ZNF773: variants seen among roughly 807,000 people sequenced by gnomAD.
ZNF773 encodes zinc finger protein 419B.
Under a neutral mutation model 12.8 loss-of-function variants are expected in ZNF773, and 11 were observed. The ratio of observed to expected loss-of-function variants is 0.86; its 90% CI spans 0.54 to 1.42. The LOEUF (loss-of-function observed/expected upper bound fraction) is 1.42. ZNF773 is among the 40% of genes most tolerant of loss of function. The probability of loss-of-function intolerance (pLI) is 0.00; values close to 1 mark genes in which losing one functional copy is unlikely to be tolerated. For missense variants in ZNF773, 518 were observed against 527.2 expected (o/e 0.98, Z 0.17); for synonymous variants, 175 against 178.4 (o/e 0.98, Z 0.15).
At chr19:57,513,885 A>G (rs1191813189), downstream of ZNF773, 1 of 146,782 alleles carries the variant, frequency 6.8e-6, no homozygotes, top group Non-Finnish European at 1.5e-5. Flanking sequence ...TCTTGTAGTA[A>G]TAGATCTTAT....
intron 1 of ZNF773, among the ~76,000 whole-genome samples, chr19:57,502,306 A>G (rs1176110679): frequency 6.6e-6 from 1 of 152,230 alleles, no homozygotes; most frequent in East Asian, 1.9e-4. Context: ...TTTAGAAGGC[A>G]TAGTGATCAA....
Position 57,507,396 on chromosome 19 carries a change from G to A in ZNF773, c.1301G>A (p.Arg434Gln), listed in dbSNP as rs143608128. ...CACAGCTCCAGTCTTGTTAAACATC[G>A]AAGGATTCACACTGGAGAAATACAA... ...FRHSSSLVKHRRIHTGEIQ is the reference protein window; with the variant it reads ...FRHSSSLVKHQRIHTGEIQ Residue 434 changes from arginine (R) to glutamine (Q), a missense_variant, in exon 4 of 4, where the codon CGA (arginine) becomes CAA (glutamine). Coordinates refer to ENST00000282292, the MANE Select transcript of ZNF773 (RefSeq NM_198542.3). The A allele has an allele frequency of 1.9e-4, 307 of 1,607,586 alleles. 1 individual carries two copies. The highest frequency in any genetic ancestry group is 3.6e-5 in the Non-Finnish European group (42 of 1,177,436).
At position 57,506,634 on chromosome 19, in the gene ZNF773, G is replaced by A. The variant is rs762819933; in HGVS notation, c.539G>A (p.Ser180Asn). Residue 180 changes from serine (S) to asparagine (N), a missense_variant, in exon 4 of 4, where the codon AGT becomes AAT. By Grantham distance (46) the Ser-to-Asn change is conservative. Transcript: ENST00000282292. ...GAGAAGTCACATAGGAGCTCCAAAA[G>A]TAGGGAGGCCTTTCATGCTGGAAAA... Reference protein sequence around the residue: ...TGEKSHRSSKSREAFHAGKRH... With the variant: ...TGEKSHRSSKNREAFHAGKRH... 1.2e-6 allele frequency: 2 copies of A among 1,614,244 alleles called. No homozygotes were observed. Among genetic ancestry groups the A allele is most frequent in the East Asian group, 4.5e-5 (2 of 44,890 alleles).
chr19:57,505,165 A>G (rs1327861371), intron 2 of ZNF773, 137 bp from the exon 3 acceptor site: 2 of 1,225,346 alleles, frequency 1.6e-6, no homozygotes, highest in Non-Finnish European at 2.4e-6. Context: ...CACCAATGTG[A>G]TTGCTGTTTG....
chr19:57,504,888 T>TCATTCC (rs2089711813), intron 2 of ZNF773, 102 bp downstream of exon 2: 2 of 1,402,710 alleles, frequency 1.4e-6, no homozygotes, highest in African/African-American at 2.8e-5. Flanking sequence ...CTGTGGGCAC[T>TCATTCC]CATTCCTTCT....
chr19:57,507,111 T>A lies in ZNF773; in HGVS notation c.1016T>A (p.Phe339Tyr), dbSNP rs748877942. The change falls in exon 4 of 4, where the codon TTC becomes TAC. Residue 339 changes from phenylalanine to tyrosine, a missense_variant. Physicochemically the swap from Phe to Tyr is conservative, Grantham distance 22. Coordinates refer to ENST00000282292, the MANE Select transcript of ZNF773 (RefSeq NM_198542.3). ...RPYKCSECGK[F>Y]YSHKSSLINH... The stretch of plus-strand genomic sequence containing the variant: ...TATAAGTGCAGTGAATGTGGAAAAT[T>A]CTATAGCCACAAGTCCAGCCTTATC... 6.2e-7 allele frequency: 1 copy of A among 1,613,658 alleles called. No homozygotes were observed. The highest frequency in any genetic ancestry group is 8.5e-7 in the Non-Finnish European group (1 of 1,179,948).
At chr19:57,501,645 A>G (rs554962208) in intron 1 of ZNF773, among the ~76,000 whole-genome samples, 1 of 152,336 alleles carries the variant, frequency 6.6e-6, no homozygotes, top group South Asian at 2.1e-4. Flanking sequence ...GCAGATAGTC[A>G]GGCACACCTG....
At chr19:57,513,026 G>T, downstream of ZNF773, 2 of 1,565,128 alleles carry the variant, frequency 1.3e-6, no homozygotes, top group Non-Finnish European at 1.7e-6. Flanking sequence ...ATTCAGTCCC[G>T]AACCGACAGC....
chr19:57,507,049 C>T lies in ZNF773; in HGVS notation c.954C>T (p.Leu318=), dbSNP rs773203949. ...AATTGTTTAGTTTCAACTCCAGCCTCATGAAACATCAGAGAGTTCACACTG... is the reference window on the plus strand; with the variant it reads ...AATTGTTTAGTTTCAACTCCAGCCTTATGAAACATCAGAGAGTTCACACTG... ...CGKLFSFNSS[L]MKHQRVHTGE... Residue 318 remains leucine (L), a synonymous_variant, in exon 4 of 4, where the codon CTC becomes CTT. Transcript: ENST00000282292. 4.3e-6 allele frequency: 7 copies of T among 1,614,120 alleles called. No homozygotes were observed. In the Admixed American group the frequency reaches 1.0e-4, roughly 23 times the overall value.
downstream of ZNF773, chr19:57,516,130 C>T (rs115939004): frequency 0.024 from 3,737 of 155,076 alleles, 111 homozygotes; most frequent in African/African-American, 0.064. Context: ...CCATGGATCT[C>T]AACTGTGGGC....
chr19:57,515,928 G>T (rs1198875673), downstream of ZNF773: 1 of 152,184 alleles, frequency 6.6e-6, no homozygotes. Context: ...GAATGACATT[G>T]GCAAATGTTA....
In ZNF773 at chr19:57,507,320, C is replaced by G. The variant is rs752277967; in HGVS notation, c.1225C>G (p.His409Asp). ...CAGCCTTGTTAAACATCAGAGGGTT[C>G]ACACTGGAGCAAAGCCTTATGAGTG... is the stretch of plus-strand genomic sequence containing the variant. ...NSSLVKHQRVHTGAKPYECRE... is the reference protein window; with the variant it reads ...NSSLVKHQRVDTGAKPYECRE... Residue 409 changes from histidine to aspartate, a missense_variant, in exon 4 of 4, where the codon CAC (histidine) becomes GAC (aspartate). His to Asp is a moderately conservative substitution (Grantham distance 81, BLOSUM62 -1). Coordinates refer to ENST00000282292, the MANE Select transcript of ZNF773 (RefSeq NM_198542.3). 1.2e-6 allele frequency: 2 copies of G among 1,614,244 alleles called. No individual in the cohort carries two copies. Among genetic ancestry groups the G allele is most frequent in the Non-Finnish European group, 1.7e-6 (2 of 1,180,042 alleles).
intron 1 of ZNF773, among the ~76,000 whole-genome samples, chr19:57,501,437 GCATT>G (rs933052383): frequency 1.4e-5 from 2 of 143,908 alleles, no homozygotes; most frequent in African/African-American, 5.3e-5. Flanking sequence ...GTTGACAGAA[GCATT>G]AATTATGTGT....
At position 57,504,670 on chromosome 19, in the gene ZNF773, C is replaced by A. The variant is rs1429250589; in HGVS notation, c.47C>A (p.Thr16Asn). 6 of 1,613,914 alleles carry A rather than the reference C, an allele frequency of 3.7e-6. No homozygotes were observed. Among genetic ancestry groups the A allele is most frequent in the Non-Finnish European group, 5.1e-6 (6 of 1,180,024 alleles). Residue 16 changes from threonine (T) to asparagine (N), a missense_variant, in exon 2 of 4, where the codon ACC becomes AAC. Transcript: ENST00000282292. ...TGTCCATCTTAGCAGGGCTATGTGA[C>A]CTTTGAGGACGTGGCTGTCTACTTC... Reference protein sequence around the residue: ...LRDPAQQGYVTFEDVAVYFSQ... With the variant: ...LRDPAQQGYVNFEDVAVYFSQ...
At position 57,507,493 on chromosome 19, in the gene ZNF773, C is replaced by G; in HGVS notation, c.*69C>G. The G allele has an allele frequency of 6.6e-7, 1 of 1,520,272 alleles. No homozygotes were observed. The highest frequency in any genetic ancestry group is 1.4e-5 in the South Asian group (1 of 73,772). 94.2% of individuals were successfully genotyped at this position (1,520,272 alleles called of 1,614,324 possible). A position where few individuals can be genotyped will look rare whatever the true frequency, so the allele number is the denominator to read the frequency against. On this transcript the variant is annotated 3_prime_UTR_variant, in exon 4 of 4. Coordinates refer to ENST00000282292, the MANE Select transcript of ZNF773 (RefSeq NM_198542.3). Reference sequence around the variant, plus strand: ...CAGAAAGTTCACAGTGTAAAAAAGTCTTGAAGGTTACTAATGGAAATCCAT... The same window carrying G: ...CAGAAAGTTCACAGTGTAAAAAAGTGTTGAAGGTTACTAATGGAAATCCAT...
rs919965985 is a variant in ZNF773, at chr19:57,506,924, T to C, written c.829T>C (p.Cys277Arg). 1.2e-6 allele frequency: 2 copies of C among 1,614,228 alleles called. No homozygotes were observed. Among genetic ancestry groups the C allele is most frequent in the African/African-American group, 1.3e-5 (1 of 75,046 alleles). The stretch of plus-strand genomic sequence containing the variant: ...TCACACTGGAGAAAAGCCTTTTACA[T>C]GCAGTGAATGTGGAAAAGCTTTCAG... ...RVHTGEKPFTCSECGKAFRHN... is the reference protein window; with the variant it reads ...RVHTGEKPFTRSECGKAFRHN... The change falls in exon 4 of 4, where the codon TGC becomes CGC. Residue 277 changes from cysteine to arginine, a missense_variant. Transcript: ENST00000282292.
chr19:57,505,508 G>A (rs1041657356), intron 3 of ZNF773, 108 bp downstream of exon 3: 14 of 1,254,766 alleles, frequency 1.1e-5, no homozygotes, highest in South Asian at 8.4e-5. Context: ...GCAAGGTGTC[G>A]TCGCTGATTT....
In ZNF773 at chr19:57,506,362, T is replaced by C. The variant is rs1280669356; in HGVS notation, c.267T>C (p.Ser89=). ...EVVTSAILRG[S]WQGAKAEAAA... ...TCAACATTTCTCTTCTTTCAGGTAG[T>C]TGGCAAGGAGCCAAGGCTGAGGCAG... The change falls in exon 4 of 4, where the codon AGT becomes AGC. Residue 89 remains serine (S), a synonymous_variant. Coordinates refer to ENST00000282292, the MANE Select transcript of ZNF773 (RefSeq NM_198542.3). The C allele has an allele frequency of 1.2e-6, 2 of 1,601,710 alleles. No individual in the cohort carries two copies. The highest frequency in any genetic ancestry group is 1.1e-5 in the South Asian group (1 of 89,362).
chr19:57,518,422 CCTT>C (rs1190669836), downstream of ZNF773: 2 of 152,636 alleles, frequency 1.3e-5, no homozygotes, highest in East Asian at 1.9e-4. Context: ...CCGCCTGTCT[CCTT>C]CTTTAAAACA....
Sources: gnomAD v4.1 joint callset for allele counts (sites outside exome capture counted in the v4.1 genomes callset) on GRCh38, gnomAD v4.1.1 for gene constraint, MANE v1.5 for transcripts, NCBI Gene and HGNC (gene_info 2026-07-23, HGNC 2026-07-21) for gene names.